DIS3L2: variants seen among roughly 807,000 people sequenced by gnomAD.
DIS3L2 encodes the protein DIS3-like exonuclease 2.
DIS3L2 carries 34 observed loss-of-function variants against 97.5 expected under a neutral mutation model. The observed-to-expected ratio is 0.35, with a 90% CI of 0.27 to 0.46. The LOEUF (loss-of-function observed/expected upper bound fraction) is 0.46, where lower values mean the gene tolerates loss of function less well. Ranked by LOEUF, DIS3L2 falls within the 20% of genes least tolerant of loss-of-function variation. The pLI is 1.00. For missense variants in DIS3L2, 1,038 were observed against 1,146.0 expected (o/e 0.91, Z 1.36); for synonymous variants, 435 against 445.2 (o/e 0.98, Z 0.29).
intron 14 of DIS3L2, among the ~76,000 whole-genome samples, chr2:232,302,243 G>C (rs1044786682): frequency 4.6e-5 from 7 of 152,020 alleles, no homozygotes; most frequent in South Asian, 2.1e-4. Flanking sequence ...GTAGTGGAGT[G>C]GGGGGAGTGG....
intron 6 of DIS3L2, among the ~76,000 whole-genome samples, chr2:232,109,831 A>G (rs1697470841): frequency 6.6e-6 from 1 of 152,236 alleles, no homozygotes; most frequent in Non-Finnish European, 1.5e-5. Context: ...AGACACCAAA[A>G]GCAATTGCAA....
At chr2:232,329,785 T>TCCCCGGGGGGGGGGGCCCC in intron 14 of DIS3L2, 28 bp from the exon 15 acceptor site, 2 of 967,142 alleles carry the variant, frequency 2.1e-6, no homozygotes. Flanking sequence ...ACCCCAGCGG[T>TCCCCGGGGGGGGGGGCCCC]CCCTCCCATC....
At chr2:232,298,761 C>T (rs1052609814) in intron 13 of DIS3L2, among the ~76,000 whole-genome samples, 2 of 152,088 alleles carry the variant, frequency 1.3e-5, no homozygotes, top group Non-Finnish European at 2.9e-5. Context: ...CTTTAAAAAC[C>T]CAGTGAATTT....
intron 10 of DIS3L2, among the ~76,000 whole-genome samples, chr2:232,238,253 G>C (rs1018036911): frequency 7.9e-5 from 12 of 152,184 alleles, no homozygotes; most frequent in African/African-American, 2.7e-4. Flanking sequence ...TTTACTCAAA[G>C]ATAAGAAGCC....
chr2:232,004,146 C>T (rs1423222055), intron 1 of DIS3L2, among the ~76,000 whole-genome samples: 1 of 152,028 alleles, frequency 6.6e-6, no homozygotes, highest in African/African-American at 2.4e-5. Context: ...GATCTTGGCT[C>T]ACTGCAACCT....
chr2:232,090,198 G>A (rs1437842120), intron 6 of DIS3L2, among the ~76,000 whole-genome samples: 10 of 152,152 alleles, frequency 6.6e-5, no homozygotes, highest in Non-Finnish European at 1.5e-5. Context: ...GCCTCCCAAA[G>A]CGCTGGGATT....
At position 232,325,100 on chromosome 2, in the gene DIS3L2, G is replaced by A. The variant is rs1375342176; in HGVS notation, c.1740-4713G>A. On this transcript the variant is annotated intron_variant, in intron 14 of 20. Coordinates refer to ENST00000325385, the MANE Select transcript of DIS3L2 (RefSeq NM_152383.5). This position sits in a 1 kb window ranked among gnomAD's most constrained non-coding sequence, Gnocchi z 4.6. ...GCAGGCTTCCTCTGAAGAGCAGATC[G>A]CTTTACCCCTTTCTCATCTCATCAC... Among the ~76,000 whole-genome samples the A allele has an allele frequency of 1.3e-5, 2 of 152,202 alleles. No homozygotes were observed. The highest frequency in any genetic ancestry group is 2.4e-5 in the African/African-American group (1 of 41,448).
chr2:232,251,267 T>C (rs571164049), intron 12 of DIS3L2, among the ~76,000 whole-genome samples: 1 of 152,242 alleles, frequency 6.6e-6, no homozygotes, highest in Admixed American at 6.5e-5. Context: ...ATCACTTATA[T>C]CTTTAGGGAA....
rs11693562 is a variant in DIS3L2, at chr2:232,257,201, T to C, written c.1426-6006T>C. ...TTTCAGGGGAAGCCTGAGCTTTGCT[T>C]AGTGATGATGGCCCTAGTGTGAGGA... On this transcript the variant is annotated intron_variant, in intron 12 of 20. Transcript: ENST00000325385. Among the ~76,000 whole-genome samples the C allele has an allele frequency of 2.8e-3, 430 of 152,294 alleles. 1 individual carries two copies. The highest frequency in any genetic ancestry group is 4.7e-3 in the Non-Finnish European group (318 of 68,006).
intron 3 of DIS3L2, among the ~76,000 whole-genome samples, chr2:232,023,952 A>G (rs916103212): frequency 6.6e-6 from 1 of 152,146 alleles, no homozygotes; most frequent in Admixed American, 6.6e-5. Flanking sequence ...TGTAAAGTCA[A>G]GGTTTAAATT....
intron 13 of DIS3L2, among the ~76,000 whole-genome samples, chr2:232,278,455 C>T (rs1409626564): frequency 6.6e-6 from 1 of 152,182 alleles, no homozygotes; most frequent in Non-Finnish European, 1.5e-5. Context: ...CCACGTGCCC[C>T]TCTGTAGTCA....
At chr2:232,125,033 C>T (rs1173110932) in intron 6 of DIS3L2, among the ~76,000 whole-genome samples, 2 of 152,218 alleles carry the variant, frequency 1.3e-5, no homozygotes, top group Non-Finnish European at 1.5e-5. Context: ...CATTTATACA[C>T]ACACGGCTTT....
chr2:232,207,661 G>GCT (rs1423486273), intron 9 of DIS3L2, among the ~76,000 whole-genome samples: 1 of 152,130 alleles, frequency 6.6e-6, no homozygotes, highest in Non-Finnish European at 1.5e-5. Context: ...CACTCTAAAT[G>GCT]CTCTCGTTCC....
rs901797759 is a variant in DIS3L2, at chr2:232,015,553, C to T, written c.92C>T (p.Ser31Leu). 1.1e-5 allele frequency: 17 copies of T among 1,613,868 alleles called. No individual in the cohort carries two copies. The highest frequency in any genetic ancestry group is 1.7e-4 in the Middle Eastern group (1 of 6,060). Residue 31 changes from serine (S) to leucine (L), a missense_variant, in exon 3 of 21, where the codon TCG (serine) becomes TTG (leucine). By Grantham distance (145) the Ser-to-Leu change is moderately radical. Around this residue, in one of 3 missense-constraint regions of DIS3L2, gnomAD observed 813 missense variants for 880.1 expected, o/e 0.92. Coordinates refer to ENST00000325385, the MANE Select transcript of DIS3L2 (RefSeq NM_152383.5). ...GCTGGTCCACATGACATTGGTGCTT[C>T]GCCAGGTGACAAAAAGTCAAAGAAC... ...AVAGPHDIGA[S>L]PGDKKSKNRS... is the part of the protein sequence containing the mutation.
intron 9 of DIS3L2, among the ~76,000 whole-genome samples, chr2:232,207,839 C>T (rs1210928057): frequency 6.6e-6 from 1 of 152,050 alleles, no homozygotes; most frequent in Admixed American, 6.6e-5. Flanking sequence ...AATATATTTA[C>T]AAACAAACAA....
intron 1 of DIS3L2, among the ~76,000 whole-genome samples, chr2:231,968,370 C>T (rs1337465914): frequency 3.3e-5 from 5 of 152,238 alleles, no homozygotes; most frequent in African/African-American, 1.2e-4. Context: ...GCTGGGATTA[C>T]AGGCGTGAGC....
At chr2:232,161,704 CAA>C (rs1690657384) in intron 8 of DIS3L2, among the ~76,000 whole-genome samples, 1 of 151,964 alleles carries the variant, frequency 6.6e-6, no homozygotes, top group Admixed American at 6.6e-5. Context: ...CTCCTAGCCT[CAA>C]GTGATCCACC....
chr2:232,013,867 T>C (rs573037321), intron 1 of DIS3L2, among the ~76,000 whole-genome samples: 1 of 152,350 alleles, frequency 6.6e-6, no homozygotes, highest in South Asian at 2.1e-4. Context: ...TGGCCTATTA[T>C]CCTTTGTCTC....
intron 1 of DIS3L2, among the ~76,000 whole-genome samples, chr2:232,000,904 G>T (rs1269489811): frequency 6.6e-6 from 1 of 150,680 alleles, no homozygotes; most frequent in African/African-American, 2.4e-5. Flanking sequence ...TTGTTAAACC[G>T]AATGGTATTC....
Sources: gnomAD v4.1 joint callset for allele counts (sites outside exome capture counted in the v4.1 genomes callset) on GRCh38, gnomAD v4.1.1 for gene constraint, gnomAD v4.1.1 regional missense constraint, Gnocchi (gnomAD v3.1) non-coding constraint, MANE v1.5 for transcripts, NCBI Gene and HGNC (gene_info 2026-07-23, HGNC 2026-07-21) for gene names.